The following REC8 variants were observed in gnomAD, a reference collection of about 807,000 sequenced individuals.
REC8 encodes the protein REC8 meiotic recombination protein.
REC8 carries 42 observed loss-of-function variants against 78.3 expected under a neutral mutation model. The observed-to-expected ratio is 0.54, with a 90% confidence interval of 0.42 to 0.69. REC8 has a LOEUF of 0.69. Ranked by LOEUF, REC8 falls within the 30% of genes least tolerant of loss-of-function variation. REC8 has a pLI of 0.00. For missense variants in REC8, 581 were observed against 715.8 expected, an observed-to-expected ratio of 0.81 and a Z score of 2.15; for synonymous variants, 268 against 274.1, an observed-to-expected ratio of 0.98 and a Z score of 0.22.
intron 12 of REC8, among the ~76,000 whole-genome samples, 183 bp downstream of exon 12, chr14:24,178,405 C>A (rs1022211277): frequency 6.6e-6 from 1 of 152,182 alleles, no homozygotes; most frequent in African/African-American, 2.4e-5. Context: ...ACTCTTCATG[C>A]TCCTTTAGTG....
chr14:24,175,864 G>A (rs147407127), intron 6 of REC8, among the ~76,000 whole-genome samples: 5 of 151,812 alleles, frequency 3.3e-5, no homozygotes, highest in African/African-American at 7.3e-5. Flanking sequence ...TACCATGCCC[G>A]GCGAATTTTT....
At chr14:24,180,699 CTTG>C, downstream of REC8, 2 of 1,614,170 alleles carry the variant, frequency 1.2e-6, no homozygotes, top group Non-Finnish European at 1.7e-6. Flanking sequence ...CTGGTGGGAT[CTTG>C]TTGTCAGCCA....
intron 6 of REC8, among the ~76,000 whole-genome samples, chr14:24,176,126 G>T (rs964479880): frequency 2.6e-5 from 4 of 151,722 alleles, no homozygotes; most frequent in Admixed American, 6.6e-5. Context: ...GAGTACAGTG[G>T]TGCACTTTAG....
At chr14:24,179,036 C>T (rs1187643364) in intron 14 of REC8, 49 bp from the exon 15 acceptor site, 2 of 1,604,856 alleles carry the variant, frequency 1.2e-6, no homozygotes, top group Non-Finnish European at 1.7e-6. Context: ...CCTTCTGAGG[C>T]CCAAGTCCCA....
chr14:24,178,644 T>C lies in REC8; in HGVS notation c.1035T>C (p.Pro345=), dbSNP rs1177991373. ...VQPPERTIRG[P]AELFRTPTLS... ...CGCCCGAGAGGACCATCAGAGGCCCTGCGGAGTTGTTCAGAACCCCAACTC... is the reference window on the plus strand; with the variant it reads ...CGCCCGAGAGGACCATCAGAGGCCCCGCGGAGTTGTTCAGAACCCCAACTC... Residue 345 remains proline, a synonymous_variant, in exon 13 of 19, where the codon CCT becomes CCC. Transcript: ENST00000611366. 6.2e-7 allele frequency: 1 copy of C among 1,614,078 alleles called. No homozygotes were observed. Among genetic ancestry groups the C allele is most frequent in the East Asian group, 2.2e-5 (1 of 44,878 alleles).
At chr14:24,180,753 T>C, downstream of REC8, 1 of 1,613,838 alleles carries the variant, frequency 6.2e-7, no homozygotes, top group Non-Finnish European at 8.5e-7. Context: ...GAGCCACATC[T>C]ATAACCTGTG....
At chr14:24,179,984 C>G in intron 18 of REC8, 26 bp from the exon 19 acceptor site, 1 of 1,614,172 alleles carries the variant, frequency 6.2e-7, no homozygotes, top group South Asian at 1.1e-5. Context: ...CTCCCCCGAC[C>G]TGCCCTCTCC....
chr14:24,179,305 G>T, intron 15 of REC8, 92 bp from the exon 16 acceptor site: 1 of 1,400,182 alleles, frequency 7.1e-7, no homozygotes, highest in Non-Finnish European at 1.0e-6. Flanking sequence ...ACAAGTCACC[G>T]CACGGCTCTG....
chr14:24,179,261 G>A, intron 15 of REC8, 128 bp downstream of exon 15: 1 of 1,194,712 alleles, frequency 8.4e-7, no homozygotes, highest in African/African-American at 1.5e-5. Context: ...AGCACGGACT[G>A]GTCCTCCTCA....
chr14:24,180,178 C>A lies in REC8; in HGVS notation c.*83C>A. ...GTGCCTCACTGGGTCCTGCTTACCT[C>A]ATTTCTGAATGTGCATTTCCAGCCT... is the stretch of plus-strand genomic sequence containing the variant. On this transcript the variant is annotated 3_prime_UTR_variant, in exon 19 of 19. Coordinates refer to ENST00000611366, the MANE Select transcript of REC8 (RefSeq NM_001048205.2). 6.2e-7 allele frequency: 1 copy of A among 1,612,772 alleles called. No homozygotes were observed. The highest frequency in any genetic ancestry group is 8.5e-7 in the Non-Finnish European group (1 of 1,179,520).
At position 24,172,389 on chromosome 14, in the gene REC8, T is replaced by C; in HGVS notation, c.-164T>C. 1.6e-6 allele frequency: 1 copy of C among 642,154 alleles called. No individual in the cohort carries two copies. The highest frequency in any genetic ancestry group is 1.8e-5 in the African/African-American group (1 of 54,678). 39.8% of individuals were successfully genotyped at this position (642,154 alleles called of 1,614,324 possible). On this transcript the variant is annotated 5_prime_UTR_variant, in exon 1 of 19. Transcript: ENST00000611366. ...TGGTAATTGTGTATCTGCCCATTGT[T>C]CGTTGCCTCATTAACTTGGCTTTCT...
At chr14:24,177,011 C>A in intron 7 of REC8, 110 bp downstream of exon 7, 1 of 1,312,614 alleles carries the variant, frequency 7.6e-7, no homozygotes, top group Non-Finnish European at 1.1e-6. Flanking sequence ...CTGTCCCTGG[C>A]ACTTGAGCAC....
rs2138801556 is a variant in REC8, at chr14:24,179,920, T to G, written c.1558+14T>G. ...ACCTGCTCCTGGGTGAGTGTATGCA[T>G]GTGTGTGTGTGTATGTGGGGCAGGG... On this transcript the variant is annotated intron_variant, in intron 18 of 18. Coordinates refer to ENST00000611366, the MANE Select transcript of REC8 (RefSeq NM_001048205.2). 6.3e-7 allele frequency: 1 copy of G among 1,597,664 alleles called. No individual in the cohort carries two copies. Among genetic ancestry groups the G allele is most frequent in the Non-Finnish European group, 8.6e-7 (1 of 1,168,694 alleles).
At chr14:24,178,043 A>C in intron 11 of REC8, 48 bp from the exon 12 acceptor site, 1 of 1,577,938 alleles carries the variant, frequency 6.3e-7, no homozygotes, top group Non-Finnish European at 8.6e-7. Context: ...ATGACAGGAA[A>C]AGGAGTAATG....
At position 24,177,604 on chromosome 14, in the gene REC8, G is replaced by A. The variant is rs574200409; in HGVS notation, c.814+63G>A. ...TACCTGGATACTGCTGCAGACAAGG[G>A]CTTTATATCCCAACTTGCTAAAGGG... On this transcript the variant is annotated intron_variant, in intron 10 of 18. Transcript: ENST00000611366. The A allele has an allele frequency of 4.5e-5, 71 of 1,581,872 alleles. No individual in the cohort carries two copies. In the South Asian group the frequency reaches 7.7e-4, roughly 17 times the overall value.
At chr14:24,176,517 A>G (rs1878767163) in intron 6 of REC8, among the ~76,000 whole-genome samples, 1 of 150,490 alleles carries the variant, frequency 6.6e-6, no homozygotes, top group African/African-American at 2.5e-5. Context: ...CTAGTTTTTA[A>G]ATTTTTTGTA....
intron 6 of REC8, 92 bp downstream of exon 6, chr14:24,175,716 G>T: frequency 2.2e-6 from 2 of 900,310 alleles, no homozygotes. Flanking sequence ...GCCAGGCCTT[G>T]TGAGGGGCGC....
At chr14:24,177,928 A>G (rs1294071915) in intron 11 of REC8, 163 bp from the exon 12 acceptor site, 5 of 1,496,284 alleles carry the variant, frequency 3.3e-6, no homozygotes, top group Non-Finnish European at 4.4e-6. Context: ...CCAGATGGGT[A>G]CCCTTATGCA....
chr14:24,180,641 G>A (rs1356881253), downstream of REC8: 1 of 1,612,702 alleles, frequency 6.2e-7, no homozygotes, highest in Non-Finnish European at 8.5e-7. Context: ...TCTGAGCCCT[G>A]CCACTCCCAG....
Sources: allele counts gnomAD v4.1 joint callset (sites outside exome capture counted in the v4.1 genomes callset), GRCh38; gene constraint gnomAD v4.1.1; transcripts MANE v1.5; gene names NCBI Gene and HGNC (gene_info 2026-07-23, HGNC 2026-07-21).